The following BNC2 variants were observed in gnomAD, a reference collection of about 807,000 sequenced individuals.
The protein encoded by BNC2 is basonuclin zinc finger protein 2.
In BNC2, 20 loss-of-function variants were observed where a neutral mutation model predicts 76.3. That is an observed-to-expected ratio of 0.26 (90% CI 0.18 to 0.38). The LOEUF is 0.38. Ranked by LOEUF, BNC2 falls within the 10% of genes least tolerant of loss-of-function variation. The pLI, the probability that BNC2 is intolerant of heterozygous loss-of-function variation, is 1.00. For missense variants in BNC2, 1,382 were observed against 1,399.8 expected, an observed-to-expected ratio of 0.99 and a Z score of 0.20; for synonymous variants, 582 against 514.8, an observed-to-expected ratio of 1.13 and a Z score of -1.77.
intron 5 of BNC2, among the ~76,000 whole-genome samples, chr9:16,545,068 A>C (rs578019363): frequency 6.6e-6 from 1 of 152,300 alleles, no homozygotes; most frequent in Non-Finnish European, 1.5e-5. Flanking sequence ...TGAAGTACAA[A>C]GTCTTTGTTA....
intron 1 of BNC2, among the ~76,000 whole-genome samples, chr9:16,760,798 C>T (rs1330299): frequency 0.51 from 77,786 of 151,798 alleles, 23,067 homozygotes; most frequent in Non-Finnish European, 0.69. Context: ...TTCTAATGAA[C>T]AGAAAACAAA....
At chr9:16,667,587 TAATTA>T (rs1299402398) in intron 3 of BNC2, among the ~76,000 whole-genome samples, 15 of 152,232 alleles carry the variant, frequency 9.9e-5, no homozygotes, top group African/African-American at 3.6e-4. Flanking sequence ...CTTCTTGACA[TAATTA>T]AATTAAATGA....
At chr9:16,545,589 T>C (rs1254903163) in intron 5 of BNC2, among the ~76,000 whole-genome samples, 4 of 152,172 alleles carry the variant, frequency 2.6e-5, no homozygotes, top group Non-Finnish European at 5.9e-5. Flanking sequence ...TCCAACTCTA[T>C]AAAAAGAAGG....
chr9:16,490,179 GA>G (rs1258815408), intron 5 of BNC2, among the ~76,000 whole-genome samples: 1 of 152,086 alleles, frequency 6.6e-6, no homozygotes, highest in African/African-American at 2.4e-5. Flanking sequence ...AGACTGTGAA[GA>G]AAAAAAGGTT....
rs150988277 is a variant in BNC2, at chr9:16,767,438, A to G, written c.4-28953T>C. 2.9e-3 allele frequency among the ~76,000 whole-genome samples: 440 copies of G among 152,268 alleles called. 1 individual carries two copies. Among genetic ancestry groups the G allele is most frequent in the African/African-American group, 9.6e-3 (400 of 41,558 alleles). On this transcript the variant is annotated intron_variant, in intron 1 of 6. Coordinates refer to ENST00000380672, the MANE Select transcript of BNC2 (RefSeq NM_017637.6). ...CATGCTAAGGGATATGGGAGAGAAA[A>G]CTCAAATCAGGCTAGTAAATTAGGC...
In BNC2 at chr9:16,436,575, C is replaced by T. The variant is rs778582159; in HGVS notation, c.1619G>A (p.Gly540Asp). 2 of 1,614,032 alleles carry T rather than the reference C, an allele frequency of 1.2e-6. No individual in the cohort carries two copies. Among genetic ancestry groups the T allele is most frequent in the Admixed American group, 3.3e-5 (2 of 60,010 alleles). ...ALTSPGRPPM[G>D]FTTPPLDPVL... ...AGGGTCTAGAGGGGGAGTGGTAAAA[C>T]CCATTGGGGGTCGGCCAGGGCTTGT... The change falls in exon 6 of 7, where the codon GGT (glycine) becomes GAT (aspartate). Residue 540 changes from glycine (G) to aspartate (D), a missense_variant. By Grantham distance (94) the Gly-to-Asp change is moderately conservative. This residue lies in a region of BNC2 where 798 missense variants were observed against 775.5 expected (regional missense o/e 1.03). Transcript: ENST00000380672.
At chr9:16,554,685 A>G (rs1163808129) in intron 4 of BNC2, among the ~76,000 whole-genome samples, 1 of 152,098 alleles carries the variant, frequency 6.6e-6, no homozygotes, top group African/African-American at 2.4e-5. Flanking sequence ...CAGCTTAACT[A>G]CTCAGCCTTC....
At chr9:16,696,948 A>G (rs1176639915) in intron 3 of BNC2, among the ~76,000 whole-genome samples, 1 of 152,204 alleles carries the variant, frequency 6.6e-6, no homozygotes, top group Non-Finnish European at 1.5e-5. Context: ...TTTCTGCTGA[A>G]ATGATTCTTC....
chr9:16,573,803 G>T (rs1819403359), intron 4 of BNC2, among the ~76,000 whole-genome samples: 1 of 152,106 alleles, frequency 6.6e-6, no homozygotes, highest in African/African-American at 2.4e-5. Context: ...ACAATTCTTT[G>T]GGTATATGCG....
chr9:16,685,646 C>T lies in BNC2; in HGVS notation c.330+42151G>A, dbSNP rs778543049. 29 of 1,301,684 alleles carry T rather than the reference C, an allele frequency of 2.2e-5. No individual in the cohort carries two copies. The East Asian group carries it at 3.9e-4, about 17-fold the overall frequency. The allele number at this position is 1,301,684 out of a possible 1,614,324, so 80.6% of individuals were successfully genotyped here. A position where few individuals can be genotyped will look rare whatever the true frequency, so the allele number is the denominator to read the frequency against. ...AATGGAACCTGAGGGAATACAGCCACGTTAGATGCTGTGTATGGAGGCTGC... is the reference window on the plus strand; with the variant it reads ...AATGGAACCTGAGGGAATACAGCCATGTTAGATGCTGTGTATGGAGGCTGC... On this transcript the variant is annotated intron_variant, in intron 3 of 6. Transcript: ENST00000380672.
chr9:16,431,769 T>C (rs1820912318), intron 6 of BNC2, among the ~76,000 whole-genome samples: 2 of 152,198 alleles, frequency 1.3e-5, no homozygotes, highest in Non-Finnish European at 2.9e-5. Flanking sequence ...TTTGGGATGA[T>C]TCAATGATTC....
At chr9:16,757,724 G>GGA (rs1554724020) in intron 1 of BNC2, among the ~76,000 whole-genome samples, 52,354 of 109,738 alleles carry the variant, frequency 0.48, 11,055 homozygotes, top group East Asian at 0.89. Flanking sequence ...ATTTTAAAAA[G>GGA]AAAAAAAAAA....
intron 1 of BNC2, among the ~76,000 whole-genome samples, chr9:16,870,172 C>A (rs1015223298): frequency 6.8e-6 from 1 of 146,186 alleles, no homozygotes; most frequent in African/African-American, 2.6e-5. Context: ...GGCACCCACG[C>A]CCAGCCGCCG....
intron 1 of BNC2, among the ~76,000 whole-genome samples, chr9:16,796,499 G>C (rs2135713902): frequency 6.6e-6 from 1 of 151,774 alleles, no homozygotes; most frequent in East Asian, 1.9e-4. Context: ...GTGAACCCAG[G>C]AGGCGGAGCT....
rs869124093 is a variant in BNC2 at position 16,578,032 on chromosome 9, T to TA, written c.433+4950dup. 6.6e-5 allele frequency among the ~76,000 whole-genome samples: 10 copies of TA among 151,028 alleles called. No homozygotes were observed. The East Asian group carries it at 2.0e-3, about 31-fold the overall frequency. On this transcript the variant is annotated intron_variant, in intron 4 of 6. Coordinates refer to ENST00000380672, the MANE Select transcript of BNC2 (RefSeq NM_017637.6). The stretch of plus-strand genomic sequence containing the variant: ...TCACATACCTAGGAAACAGTGGAAT[T>TA]AAAAAAAAATTTTTTTTTGTTTTTT...
chr9:16,775,423 C>A (rs892737116), intron 1 of BNC2: 7 of 150,852 alleles, frequency 4.6e-5, no homozygotes, highest in African/African-American at 1.5e-4. Context: ...CCCATGATTT[C>A]TTCATGTTGT....
chr9:16,848,081 T>G (rs764259135), intron 1 of BNC2, among the ~76,000 whole-genome samples: 1 of 152,234 alleles, frequency 6.6e-6, no homozygotes, highest in African/African-American at 2.4e-5. Flanking sequence ...TAAGATATTC[T>G]AATTAGGAAA....
chr9:16,810,220 G>A (rs529530448), intron 1 of BNC2, among the ~76,000 whole-genome samples: 1 of 152,290 alleles, frequency 6.6e-6, no homozygotes, highest in South Asian at 2.1e-4. Flanking sequence ...CCACTGTTAT[G>A]CAATCCATAG....
intron 3 of BNC2, among the ~76,000 whole-genome samples, chr9:16,699,905 T>C (rs1002015567): frequency 6.6e-6 from 1 of 152,242 alleles, no homozygotes; most frequent in Non-Finnish European, 1.5e-5. Context: ...AGAAAACCTG[T>C]AATTTCTGGT....
Sources: gnomAD v4.1 joint callset for allele counts (sites outside exome capture counted in the v4.1 genomes callset) on GRCh38, gnomAD v4.1.1 for gene constraint, gnomAD v4.1.1 regional missense constraint, MANE v1.5 for transcripts, NCBI Gene and HGNC (gene_info 2026-07-23, HGNC 2026-07-21) for gene names.